LPP: variants seen among roughly 807,000 people sequenced by gnomAD.
LPP encodes lipoma-preferred partner.
A neutral mutation model predicts 60.4 loss-of-function variants in LPP; 38 were observed. The observed-to-expected ratio is 0.63, with a 90% confidence interval of 0.49 to 0.83. The LOEUF (loss-of-function observed/expected upper bound fraction) is 0.83, where lower values mean the gene tolerates loss of function less well. Ranked by LOEUF, LPP falls within the 40% of genes least tolerant of loss-of-function variation. The pLI, the probability that LPP is intolerant of heterozygous loss-of-function variation, is 0.00. For synonymous variants in LPP, 328 were observed against 290.8 expected (o/e 1.13, Z -1.30); for missense variants, 902 against 783.6 (o/e 1.15, Z -1.80).
chr3:188,405,354 A>C (rs1403064530), intron 3 of LPP, among the ~76,000 whole-genome samples: 2 of 152,164 alleles, frequency 1.3e-5, no homozygotes, highest in Admixed American at 1.3e-4. Context: ...TGAAGAATAA[A>C]TTTAAACTCA....
At chr3:188,810,478 A>T (rs1210860019) in intron 9 of LPP, among the ~76,000 whole-genome samples, 1 of 152,126 alleles carries the variant, frequency 6.6e-6, no homozygotes, top group African/African-American at 2.4e-5. Flanking sequence ...AAAGAGAGAG[A>T]GAGAGAGAGG....
At chr3:188,837,921 G>A (rs899905817) in intron 9 of LPP, among the ~76,000 whole-genome samples, 1 of 151,998 alleles carries the variant, frequency 6.6e-6, no homozygotes, top group African/African-American at 2.4e-5. Context: ...GGTAATTCAG[G>A]AGCCCTAGAA....
At chr3:188,186,350 T>G (rs1452986557) in intron 1 of LPP, among the ~76,000 whole-genome samples, 1 of 152,060 alleles carries the variant, frequency 6.6e-6, no homozygotes, top group African/African-American at 2.4e-5. Flanking sequence ...GTGTTGAAAA[T>G]TTTATAGGAG....
intron 10 of LPP, among the ~76,000 whole-genome samples, chr3:188,871,562 AGATT>A (rs1171432422): frequency 3.9e-5 from 6 of 152,346 alleles, no homozygotes; most frequent in South Asian, 2.1e-4. Context: ...GCAAAGAGTT[AGATT>A]ATTATCATTA....
At chr3:188,495,355 A>G (rs1237201037) in intron 5 of LPP, among the ~76,000 whole-genome samples, 1 of 151,280 alleles carries the variant, frequency 6.6e-6, no homozygotes, top group African/African-American at 2.4e-5. Context: ...ATGGTGATTT[A>G]TAATTTGCAA....
intron 3 of LPP, among the ~76,000 whole-genome samples, chr3:188,369,940 T>G (rs1401865170): frequency 2.0e-5 from 3 of 152,200 alleles, no homozygotes. Flanking sequence ...TATTTATTTA[T>G]TTATCTGAGA....
At chr3:188,240,332 T>C (rs192111963) in intron 2 of LPP, among the ~76,000 whole-genome samples, 3 of 150,736 alleles carry the variant, frequency 2.0e-5, no homozygotes, top group Admixed American at 6.6e-5. Flanking sequence ...AGTCAGGAGT[T>C]TTGGGTAAGA....
At chr3:188,739,411 A>C (rs1258007475) in intron 8 of LPP, among the ~76,000 whole-genome samples, 1 of 152,126 alleles carries the variant, frequency 6.6e-6, no homozygotes, top group Non-Finnish European at 1.5e-5. Flanking sequence ...AATTGCATCC[A>C]GAATGCAGAA....
chr3:188,208,961 C>G (rs977540347), intron 1 of LPP, among the ~76,000 whole-genome samples: 4 of 152,202 alleles, frequency 2.6e-5, no homozygotes, highest in Non-Finnish European at 4.4e-5. Flanking sequence ...TTTTATAATG[C>G]CTTACCCTTT....
chr3:188,606,064 AT>A (rs1842323471), intron 6 of LPP, among the ~76,000 whole-genome samples: 1 of 152,178 alleles, frequency 6.6e-6, no homozygotes, highest in Non-Finnish European at 1.5e-5. Flanking sequence ...CTTGTGCCAC[AT>A]ATGTTTCTCT....
At chr3:188,565,128 C>T (rs1278928095) in intron 6 of LPP, among the ~76,000 whole-genome samples, 3 of 151,898 alleles carry the variant, frequency 2.0e-5, no homozygotes, top group Non-Finnish European at 4.4e-5. Context: ...GGTATCTAGT[C>T]TGGTTTGGGT....
chr3:188,313,442 C>G (rs1754090306), intron 2 of LPP, among the ~76,000 whole-genome samples: 1 of 152,056 alleles, frequency 6.6e-6, no homozygotes, highest in Admixed American at 6.5e-5. Flanking sequence ...AAGTTCAAGA[C>G]CAGCCTGGCC....
Position 188,889,247 on chromosome 3 carries a change from A to C in LPP, c.*14768A>C, listed in dbSNP as rs537699225. 8.7e-6 allele frequency: 2 copies of C among 230,754 alleles called. No homozygotes were observed. The highest frequency in any genetic ancestry group is 3.6e-4 in the South Asian group (2 of 5,510). 14.3% of individuals were successfully genotyped at this position (230,754 alleles called of 1,614,324 possible). ...GTTTCCATAGTTCCATCACTGACAA[A>C]ACTGTCAATACTGTTGATGGAGCAG... is the stretch of plus-strand genomic sequence containing the variant. On this transcript the variant is annotated 3_prime_UTR_variant, in exon 12 of 12. Coordinates refer to ENST00000617246, the MANE Select transcript of LPP (RefSeq NM_001375462.1).
intron 9 of LPP, among the ~76,000 whole-genome samples, chr3:188,803,294 C>T (rs1747895773): frequency 6.6e-6 from 1 of 152,064 alleles, no homozygotes; most frequent in African/African-American, 2.4e-5. Context: ...ATCCACCTGC[C>T]TTGGCTAGGA....
chr3:188,623,027 T>TAAAAAAAAAAAA (rs747020083), intron 7 of LPP, among the ~76,000 whole-genome samples: 3 of 79,430 alleles, frequency 3.8e-5, no homozygotes, highest in Non-Finnish European at 5.0e-5. Context: ...GACTCCATCT[T>TAAAAAAAAAAAA]AAAAAAAAAA....
chr3:188,556,352 T>A (rs1579926969), intron 6 of LPP, among the ~76,000 whole-genome samples: 1 of 152,200 alleles, frequency 6.6e-6, no homozygotes, highest in East Asian at 1.9e-4. Context: ...TTTGTTTGTT[T>A]TACTTTTGAA....
chr3:188,849,559 C>T (rs1762266676), intron 9 of LPP, among the ~76,000 whole-genome samples: 1 of 152,118 alleles, frequency 6.6e-6, no homozygotes, highest in Non-Finnish European at 1.5e-5. Flanking sequence ...TGCAGTGATT[C>T]CCCTTTGCTT....
rs569427003 is a variant in LPP at position 188,646,198 on chromosome 3, A to G, written c.1113+36354A>G. ...TTTCATAGCTTCATTCATTCACCCT[A>G]GGGTAAAAGTATCAGTGTTTTCTTC... On this transcript the variant is annotated intron_variant, in intron 7 of 11. Coordinates refer to ENST00000617246, the MANE Select transcript of LPP (RefSeq NM_001375462.1). 3.6e-3 allele frequency among the ~76,000 whole-genome samples: 550 copies of G among 152,280 alleles called. 5 individuals are homozygous for G. The highest frequency in any genetic ancestry group is 6.4e-3 in the Non-Finnish European group (434 of 68,020).
At chr3:188,542,233 T>C (rs1268425769) in intron 6 of LPP, among the ~76,000 whole-genome samples, 1 of 152,226 alleles carries the variant, frequency 6.6e-6, no homozygotes, top group African/African-American at 2.4e-5. Context: ...CTGCTTATCA[T>C]ATATGATATT....
Sources: allele counts gnomAD v4.1 joint callset (sites outside exome capture counted in the v4.1 genomes callset), GRCh38; gene constraint gnomAD v4.1.1; transcripts MANE v1.5; gene names NCBI Gene and HGNC (gene_info 2026-07-23, HGNC 2026-07-21).